ZNF468: variants seen among roughly 807,000 people sequenced by gnomAD.
ZNF468 encodes zinc finger protein ZNF468.
A neutral mutation model predicts 7.2 loss-of-function variants in ZNF468; 8 were observed. The observed-to-expected ratio is 1.11, with a 90% CI of 0.65 to 2.01. ZNF468 has a LOEUF of 2.01. Ranked by LOEUF, ZNF468 falls within the 30% of genes most tolerant of loss-of-function variation. The pLI is 0.00. For synonymous variants in ZNF468, 218 were observed against 214.4 expected, an observed-to-expected ratio of 1.02 and a Z score of -0.15; for missense variants, 608 against 626.5, an observed-to-expected ratio of 0.97 and a Z score of 0.31.
intron 2 of ZNF468, among the ~76,000 whole-genome samples, chr19:52,853,232 G>A (rs998770294): frequency 6.6e-6 from 1 of 152,088 alleles, no homozygotes; most frequent in Non-Finnish European, 1.5e-5. Flanking sequence ...ACACAGAACT[G>A]ACAGGAGTGG....
chr19:52,840,595 G>A lies in ZNF468; in HGVS notation c.*130C>T. 1 of 1,465,468 alleles carries A rather than the reference G, an allele frequency of 6.8e-7. No homozygotes were observed. The highest frequency in any genetic ancestry group is 1.1e-5 in the South Asian group (1 of 87,654). The allele number at this position is 1,465,468 out of a possible 1,614,324, so 90.8% of individuals were successfully genotyped here. A position where few individuals can be genotyped will look rare whatever the true frequency, so the allele number is the denominator to read the frequency against. On this transcript the variant is annotated 3_prime_UTR_variant, in exon 4 of 4. Transcript: ENST00000595646. The stretch of plus-strand genomic sequence containing the variant: ...TCCAGTATGAAGTCTATGGTGATGT[G>A]CAAAGGTTGCTTTTTGATTAAAAAC...
chr19:52,854,450 T>C, intron 1 of ZNF468, 105 bp from the exon 2 acceptor site: 1 of 1,202,008 alleles, frequency 8.3e-7, no homozygotes, highest in South Asian at 1.5e-5. Context: ...TACGGTCCCC[T>C]CTGCTGCCCA....
intron 3 of ZNF468, chr19:52,845,118 A>ACATG (rs1555810729): frequency 6.6e-6 from 1 of 151,074 alleles, no homozygotes; most frequent in Non-Finnish European, 1.5e-5. Context: ...CTGGCTAACA[A>ACATG]GCTGAAACTC....
rs186616936 is a variant in ZNF468, at chr19:52,840,785, G to A, written c.1509C>T (p.Thr503=). The A allele has an allele frequency of 2.5e-5, 41 of 1,608,774 alleles. No individual in the cohort carries two copies. Among genetic ancestry groups the A allele is most frequent in the Admixed American group, 1.0e-4 (6 of 59,506 alleles). Residue 503 remains threonine (T), a synonymous_variant, in exon 4 of 4, where the codon ACC becomes ACT. Transcript: ENST00000595646. ...ATACAAGGGATGACATCTGACTGAA[G>A]GTCTTGCCACACTCATTACACTTGT... ...KPYKCNECGK[T]FSQMSSLVYH...
chr19:52,846,099 G>A (rs73069434), intron 3 of ZNF468, among the ~76,000 whole-genome samples: 13,214 of 152,036 alleles, frequency 0.087, 587 homozygotes, highest in South Asian at 0.097. Context: ...CATATTATTT[G>A]AAATAAAAGG....
intron 3 of ZNF468, among the ~76,000 whole-genome samples, chr19:52,847,231 T>C (rs1273950805): frequency 6.6e-6 from 1 of 152,082 alleles, no homozygotes; most frequent in Non-Finnish European, 1.5e-5. Flanking sequence ...CAAGGTTTAA[T>C]GGATTTAGGG....
At chr19:52,854,389 C>T (rs2063418498) in intron 1 of ZNF468, 44 bp from the exon 2 acceptor site, 6 of 1,544,866 alleles carry the variant, frequency 3.9e-6, no homozygotes, top group African/African-American at 2.7e-5. Context: ...AATCAACACA[C>T]CCCCTCCCTT....
chr19:52,840,686 T>C lies in ZNF468; in HGVS notation c.*39A>G. 6.2e-7 allele frequency: 1 copy of C among 1,612,670 alleles called. No individual in the cohort carries two copies. The highest frequency in any genetic ancestry group is 8.5e-7 in the Non-Finnish European group (1 of 1,179,108). ...TGAATTGCCTTATGACTTACAGGGT[T>C]GAATTGTGATGGAAGGTCTTGCCAC... is the stretch of plus-strand genomic sequence containing the variant. On this transcript the variant is annotated 3_prime_UTR_variant, in exon 4 of 4. Transcript: ENST00000595646.
chr19:52,857,161 A>G (rs1356774557), intron 1 of ZNF468, among the ~76,000 whole-genome samples: 1 of 151,718 alleles, frequency 6.6e-6, no homozygotes, highest in Admixed American at 6.6e-5. Flanking sequence ...GATCCGCAGG[A>G]TCCCAGGACC....
At position 52,839,901 on chromosome 19, in the gene ZNF468, ATGTGCAATGG is replaced by A; in HGVS notation, c.*814_*823del. ...TCTCTTCACTGTGGATTCTCCAATGATGTGCAATGGTTGTAGCATTACTGAAAACTTTGTG... is the reference window on the plus strand; with the variant it reads ...TCTCTTCACTGTGGATTCTCCAATGATTGTAGCATTACTGAAAACTTTGTG... On this transcript the variant is annotated 3_prime_UTR_variant, in exon 4 of 4. Transcript: ENST00000595646. 1.2e-6 allele frequency: 1 copy of A among 845,076 alleles called. No homozygotes were observed. The highest frequency in any genetic ancestry group is 1.8e-6 in the Non-Finnish European group (1 of 551,652). 52.3% of individuals were successfully genotyped at this position (845,076 alleles called of 1,614,324 possible). A position where few individuals can be genotyped will look rare whatever the true frequency, so the allele number is the denominator to read the frequency against.
rs1806018637 is a variant in ZNF468 at position 52,839,348 on chromosome 19, T to C, written c.*1377A>G. ...AACTCGTGAGCTCCAGTGACCTACC[T>C]GTCTTTGCCTCTCAAAGTGCTGGAA... On this transcript the variant is annotated 3_prime_UTR_variant, in exon 4 of 4. Coordinates refer to ENST00000595646, the MANE Select transcript of ZNF468 (RefSeq NM_001008801.2). 1.9e-5 allele frequency: 4 copies of C among 207,374 alleles called. 1 individual carries two copies. In the South Asian group the frequency reaches 2.8e-4, roughly 15 times the overall value. 12.8% of individuals were successfully genotyped at this position (207,374 alleles called of 1,614,324 possible).
chr19:52,840,373 C>T lies in ZNF468; in HGVS notation c.*352G>A. 2 of 507,084 alleles carry T rather than the reference C, an allele frequency of 3.9e-6. No homozygotes were observed. Among genetic ancestry groups the T allele is most frequent in the Non-Finnish European group, 7.4e-6 (2 of 269,410 alleles). The allele number at this position is 507,084 out of a possible 1,614,324, so 31.4% of individuals were successfully genotyped here. ...TGAATTTTGACCAACGGTCTTGCCA[C>T]ACTCATTACACTTATAATGAGTTTC... is the stretch of plus-strand genomic sequence containing the variant. On this transcript the variant is annotated 3_prime_UTR_variant, in exon 4 of 4. Coordinates refer to ENST00000595646, the MANE Select transcript of ZNF468 (RefSeq NM_001008801.2).
Position 52,849,113 on chromosome 19 carries a change from T to C in ZNF468, c.116A>G (p.Glu39Gly). The change falls in exon 3 of 4, where the codon GAG becomes GGG. Residue 39 changes from glutamate to glycine, a missense_variant. By Grantham distance (98) the Glu-to-Gly change is moderately conservative (BLOSUM62 -2). Coordinates refer to ENST00000595646, the MANE Select transcript of ZNF468 (RefSeq NM_001008801.2). ...QRTLYRDVML[E>G]NYRNLVSLDI... ...CAGGGAGACGAGGTTCCTATAATTC[T>C]CCAGCATCACGTCCCTGTATAAAGT... 1.2e-6 allele frequency: 2 copies of C among 1,613,928 alleles called. No homozygotes were observed. The highest frequency in any genetic ancestry group is 1.7e-6 in the Non-Finnish European group (2 of 1,179,922).
chr19:52,851,758 A>G (rs1441356539), intron 2 of ZNF468, among the ~76,000 whole-genome samples: 1 of 152,024 alleles, frequency 6.6e-6, no homozygotes, highest in Non-Finnish European at 1.5e-5. Context: ...AATAAAATAT[A>G]TGAAAACAGA....
intron 2 of ZNF468, among the ~76,000 whole-genome samples, chr19:52,851,445 C>T (rs1234681667): frequency 1.3e-5 from 2 of 152,140 alleles, no homozygotes; most frequent in Non-Finnish European, 2.9e-5. Context: ...GGTGTGGTGG[C>T]ACTCGCCTGT....
chr19:52,856,240 G>A (rs1365788870), intron 1 of ZNF468, among the ~76,000 whole-genome samples: 1 of 152,108 alleles, frequency 6.6e-6, no homozygotes, highest in Non-Finnish European at 1.5e-5. Context: ...TACATGGGTG[G>A]ACAGCTGAGG....
At chr19:52,842,358 T>C (rs60660813) in intron 3 of ZNF468, among the ~76,000 whole-genome samples, 46,687 of 151,890 alleles carry the variant, frequency 0.31, 7,604 homozygotes, top group South Asian at 0.46. Flanking sequence ...GAAGCCTATT[T>C]CCAATATCAT....
intron 1 of ZNF468, 25 bp from the exon 2 acceptor site, chr19:52,854,370 A>T: frequency 6.3e-7 from 1 of 1,586,228 alleles, no homozygotes; most frequent in African/African-American, 1.3e-5. Context: ...TATGTTGTTT[A>T]TCACTCAGAA....
chr19:52,856,323 C>A (rs1402614803), intron 1 of ZNF468, among the ~76,000 whole-genome samples: 2 of 151,968 alleles, frequency 1.3e-5, no homozygotes, highest in Non-Finnish European at 2.9e-5. Context: ...GAGTTTGAGA[C>A]CAACCTGGCC....
Sources: gnomAD v4.1 joint callset for allele counts (sites outside exome capture counted in the v4.1 genomes callset) on GRCh38, gnomAD v4.1.1 for gene constraint, MANE v1.5 for transcripts, NCBI Gene and HGNC (gene_info 2026-07-23, HGNC 2026-07-21) for gene names.